The following PRRG2 variants were observed in gnomAD, a reference collection of about 807,000 sequenced individuals.
The protein encoded by PRRG2 is transmembrane gamma-carboxyglutamic acid protein 2.
A neutral mutation model predicts 27.1 loss-of-function variants in PRRG2; 23 were observed. That is an observed-to-expected ratio of 0.85 (90% CI 0.61 to 1.20). The LOEUF is 1.20. Among genes scored for constraint, PRRG2 ranks in the 50% most tolerant of loss-of-function variants. PRRG2 has a pLI of 0.00. For synonymous variants in PRRG2, 104 were observed against 103.4 expected, an observed-to-expected ratio of 1.01 and a Z score of -0.03; for missense variants, 276 against 254.8, an observed-to-expected ratio of 1.08 and a Z score of -0.57.
chr19:49,583,754 C>T, intron 3 of PRRG2, 37 bp downstream of exon 3: 1 of 1,612,026 alleles, frequency 6.2e-7, no homozygotes, highest in Non-Finnish European at 8.5e-7. Context: ...CGGGCCCTCT[C>T]TCTTCTCTAT....
At chr19:49,583,753 T>C in intron 3 of PRRG2, 36 bp downstream of exon 3, 1 of 1,611,974 alleles carries the variant, frequency 6.2e-7, no homozygotes. Context: ...TCGGGCCCTC[T>C]CTCTTCTCTA....
At position 49,581,446 on chromosome 19, in the gene PRRG2, T is replaced by G. The variant is rs2080622471; in HGVS notation, c.-49T>G. 6.6e-6 allele frequency: 1 copy of G among 152,116 alleles called. No individual in the cohort carries two copies. The highest frequency in any genetic ancestry group is 6.6e-5 in the Admixed American group (1 of 15,258). The allele number at this position is 152,116 out of a possible 1,614,324, so 9.4% of individuals were successfully genotyped here. A position where few individuals can be genotyped will look rare whatever the true frequency, so the allele number is the denominator to read the frequency against. The stretch of plus-strand genomic sequence containing the variant: ...TGTAGCTGGCCAAGGAGTTCTCGAT[T>G]AAAGAGGAAGGGGCAGTGCTCACAT... On this transcript the variant is annotated 5_prime_UTR_variant, in exon 1 of 7. The change creates a new upstream start codon in the 5' untranslated region. Coordinates refer to ENST00000246794, the MANE Select transcript of PRRG2 (RefSeq NM_000951.3).
At chr19:49,590,150 T>C in intron 6 of PRRG2, 98 bp downstream of exon 6, 1 of 1,345,344 alleles carries the variant, frequency 7.4e-7, no homozygotes, top group Non-Finnish European at 9.9e-7. Context: ...ATTTGGGCCT[T>C]CTTACCTGGG....
chr19:49,588,369 G>A (rs2080687780), intron 4 of PRRG2, 128 bp from the exon 5 acceptor site: 2 of 1,326,362 alleles, frequency 1.5e-6, no homozygotes, highest in Non-Finnish European at 2.0e-6. Flanking sequence ...TGAGGTCACA[G>A]GGCTAGGAAG....
At chr19:49,584,984 C>T (rs1044489208) in intron 4 of PRRG2, among the ~76,000 whole-genome samples, 2 of 152,328 alleles carry the variant, frequency 1.3e-5, no homozygotes, top group East Asian at 1.9e-4. Context: ...TGCCCATCCT[C>T]ACCTGCCCAT....
Position 49,583,300 on chromosome 19 carries a change from C to A in PRRG2, c.81C>A (p.Asp27Glu). The change falls in exon 2 of 7, where the codon GAC (aspartate) becomes GAA (glutamate). Residue 27 changes from aspartate (D) to glutamate (E), a missense_variant. Transcript: ENST00000246794. ...CLDTSPSEET[D>E]QEVFLGPPEA... is the part of the protein sequence containing the mutation. ...ATACTTCACCCAGTGAGGAGACAGA[C>A]CAAGGTGAGTGTTTGGGGGAAGTGG... The A allele has an allele frequency of 1.9e-6, 3 of 1,613,962 alleles. No individual in the cohort carries two copies. Among genetic ancestry groups the A allele is most frequent in the Non-Finnish European group, 2.5e-6 (3 of 1,179,846 alleles).
rs968173179 is a variant in PRRG2, at chr19:49,590,394, C to G, written c.*5C>G. ...AGCCTCAGGAGGCCTCACTGAAGAG[C>G]TGCTTTCGAGACCCGGCTCTCCGAA... On this transcript the variant is annotated 3_prime_UTR_variant, in exon 7 of 7. Coordinates refer to ENST00000246794, the MANE Select transcript of PRRG2 (RefSeq NM_000951.3). 5.0e-6 allele frequency: 8 copies of G among 1,613,988 alleles called. No homozygotes were observed. Among genetic ancestry groups the G allele is most frequent in the Non-Finnish European group, 6.8e-6 (8 of 1,179,992 alleles).
In PRRG2 at chr19:49,590,177, G is replaced by GGGGGCGGGGCCCCATGCAATGGTCTA. The variant is rs1555739365; in HGVS notation, c.590+132_590+157dup. On this transcript the variant is annotated intron_variant, in intron 6 of 6. Transcript: ENST00000246794. ...TTACCTGGGGCGGGGCTTGGAGTGC[G>GGGGGCGGGGCCCCATGCAATGGTCTA]GGGGCGGGGCCCCATGCAATGGTCT... 3.7e-4 allele frequency: 514 copies of GGGGGCGGGGCCCCATGCAATGGTCTA among 1,387,828 alleles called. 8 individuals are homozygous for GGGGGCGGGGCCCCATGCAATGGTCTA. In the East Asian group the frequency reaches 9.1e-3, roughly 25 times the overall value. 86.0% of individuals were successfully genotyped at this position (1,387,828 alleles called of 1,614,324 possible).
chr19:49,589,250 C>G (rs1176870504), intron 5 of PRRG2, among the ~76,000 whole-genome samples: 1 of 151,218 alleles, frequency 6.6e-6, no homozygotes, highest in Non-Finnish European at 1.5e-5. Context: ...GCCTCAGCCT[C>G]CAGTGTAGCT....
At chr19:49,586,511 A>G in intron 4 of PRRG2, among the ~76,000 whole-genome samples, 1 of 151,744 alleles carries the variant, frequency 6.6e-6, no homozygotes, top group East Asian at 1.9e-4. Flanking sequence ...CAGCCTCCCA[A>G]GTAGCTGGGA....
chr19:49,590,525 G>A lies in PRRG2; in HGVS notation c.*136G>A, dbSNP rs1445321431. ...GGGAGTAGGGGTCATCCGGCCCGAG[G>A]CCTGCCCTGGCACACGCGTTTCCGC... On this transcript the variant is annotated 3_prime_UTR_variant, in exon 7 of 7. Coordinates refer to ENST00000246794, the MANE Select transcript of PRRG2 (RefSeq NM_000951.3). The A allele has an allele frequency of 8.1e-7, 1 of 1,241,066 alleles. No homozygotes were observed. The highest frequency in any genetic ancestry group is 1.1e-6 in the Non-Finnish European group (1 of 870,346). The allele number at this position is 1,241,066 out of a possible 1,614,324, so 76.9% of individuals were successfully genotyped here. A position where few individuals can be genotyped will look rare whatever the true frequency, so the allele number is the denominator to read the frequency against.
chr19:49,590,172 A>T, intron 6 of PRRG2, 120 bp downstream of exon 6: 6 of 1,245,088 alleles, frequency 4.8e-6, no homozygotes, highest in Non-Finnish European at 6.5e-6. Flanking sequence ...CGGGGCTTGG[A>T]GTGCGGGGGC....
chr19:49,589,123 C>CTTTT (rs778928178), intron 5 of PRRG2, among the ~76,000 whole-genome samples: 8 of 106,068 alleles, frequency 7.5e-5, no homozygotes, highest in East Asian at 2.6e-4. Context: ...ACAGGGCTGT[C>CTTTT]TTTTTTTTTT....
chr19:49,589,437 T>C (rs1292297193), intron 5 of PRRG2, among the ~76,000 whole-genome samples: 1 of 150,802 alleles, frequency 6.6e-6, no homozygotes, highest in African/African-American at 2.4e-5. Context: ...TTTTTTTTTT[T>C]TTTTTTTTTA....
intron 4 of PRRG2, among the ~76,000 whole-genome samples, chr19:49,586,090 A>C (rs1033307705): frequency 5.9e-5 from 9 of 151,352 alleles, no homozygotes; most frequent in Admixed American, 4.0e-4. Context: ...AAAAAAAAAA[A>C]AAAAAAACAA....
rs1271059701 is a variant in PRRG2 at position 49,589,978 on chromosome 19, C to T, written c.516C>T (p.Pro172=). Reference sequence around the variant, plus strand: ...CCCTGCCTCCACCCCCACCCCCACCCCCAGGCCTCCCCACCTATGAGCAGG... The same window carrying T: ...CCCTGCCTCCACCCCCACCCCCACCTCCAGGCCTCCCCACCTATGAGCAGG... ...PTPLPPPPPP[P]PGLPTYEQAL... Residue 172 remains proline (P), a synonymous_variant, in exon 6 of 7, where the codon CCC becomes CCT. Transcript: ENST00000246794. The T allele has an allele frequency of 1.9e-6, 3 of 1,539,066 alleles. No homozygotes were observed. The African/African-American group carries it at 4.1e-5, about 21-fold the overall frequency.
rs571960123 is a variant in PRRG2 at position 49,584,570 on chromosome 19, G to T, written c.301+618G>T. Among the ~76,000 whole-genome samples, 125 of 152,300 alleles carry T rather than the reference G, an allele frequency of 8.2e-4. 3 individuals carry two copies. Among genetic ancestry groups the T allele is most frequent in the Middle Eastern group, 3.4e-3 (1 of 294 alleles). On this transcript the variant is annotated intron_variant, in intron 4 of 6. Transcript: ENST00000246794. ...TGCAGCCTCAACCTCCCGGGCTCAAGCGATCTTCCCACCTCAGCCTCCTGA... is the reference window on the plus strand; with the variant it reads ...TGCAGCCTCAACCTCCCGGGCTCAATCGATCTTCCCACCTCAGCCTCCTGA...
rs1206949512 is a variant in PRRG2 at position 49,589,839 on chromosome 19, T to C, written c.438-61T>C. The C allele has an allele frequency of 7.6e-6, 12 of 1,570,654 alleles. No individual in the cohort carries two copies. The East Asian group carries it at 1.8e-4, about 23-fold the overall frequency. ...TCTCCGTCTCCTAGATCCCCTCTCT[T>C]CCTCCCTAGTCTAGGTATCCTGTAA... On this transcript the variant is annotated intron_variant, in intron 5 of 6. Transcript: ENST00000246794.
At chr19:49,590,190 C>T in intron 6 of PRRG2, 138 bp downstream of exon 6, 1 of 1,373,992 alleles carries the variant, frequency 7.3e-7, no homozygotes. Context: ...GGCGGGGCCC[C>T]ATGCAATGGT....
Sources: gnomAD v4.1 joint callset for allele counts (sites outside exome capture counted in the v4.1 genomes callset) on GRCh38, gnomAD v4.1.1 for gene constraint, MANE v1.5 for transcripts, NCBI Gene and HGNC (gene_info 2026-07-23, HGNC 2026-07-21) for gene names.